The following AKAP12 variants were observed in gnomAD, a reference collection of about 807,000 sequenced individuals.
AKAP12 encodes the protein A-kinase anchor protein 12.
Under a neutral mutation model 79.9 loss-of-function variants are expected in AKAP12, and 32 were observed. The observed-to-expected ratio is 0.40, with a 90% CI of 0.30 to 0.54. The LOEUF (loss-of-function observed/expected upper bound fraction) is 0.54, where lower values mean the gene tolerates loss of function less well. AKAP12 is among the 20% of genes least tolerant of loss of function. The pLI is 0.48. For missense variants in AKAP12, 2,074 were observed against 2,177.0 expected (o/e 0.95, Z 0.94); for synonymous variants, 808 against 857.0 (o/e 0.94, Z 1.00).
intron 2 of AKAP12, among the ~76,000 whole-genome samples, chr6:151,279,529 G>A (rs935149096): frequency 1.4e-4 from 22 of 152,022 alleles, no homozygotes; most frequent in African/African-American, 4.6e-4. Context: ...AAGAAGAAAC[G>A]AGAAATATAC....
intron 2 of AKAP12, among the ~76,000 whole-genome samples, chr6:151,289,860 A>G (rs1776577275): frequency 6.6e-6 from 1 of 152,212 alleles, no homozygotes; most frequent in Admixed American, 6.5e-5. Context: ...CTCTTAGCTC[A>G]TTCAAAGCAA....
At chr6:151,345,932 T>TGTGAGAGAGAGAGAGAGAGA (rs1349850485) in intron 3 of AKAP12, among the ~76,000 whole-genome samples, 13 of 101,372 alleles carry the variant, frequency 1.3e-4, no homozygotes, top group African/African-American at 5.7e-4. Flanking sequence ...TGTGTGTGTG[T>TGTGAGAGAGAGAGAGAGAGA]GAGAGAGAGA....
chr6:151,337,512 G>GAAAAAAAAAA (rs565900855), intron 3 of AKAP12, among the ~76,000 whole-genome samples: 1 of 101,848 alleles, frequency 9.8e-6, no homozygotes, highest in Admixed American at 1.0e-4. Context: ...TTTCCGTCTC[G>GAAAAAAAAAA]AAAAAAAAAA....
chr6:151,294,825 G>A (rs6934424), intron 2 of AKAP12, among the ~76,000 whole-genome samples: 42,862 of 152,124 alleles, frequency 0.28, 7,410 homozygotes, highest in Non-Finnish European at 0.41. Context: ...CTGAAGTGTT[G>A]TGTGTTAAAA....
At chr6:151,297,396 G>A (rs911366984) in intron 2 of AKAP12, among the ~76,000 whole-genome samples, 2 of 151,778 alleles carry the variant, frequency 1.3e-5, no homozygotes, top group Non-Finnish European at 2.9e-5. Flanking sequence ...CCAACATGAT[G>A]AAACCGTCTC....
chr6:151,269,588 A>G (rs773795217), intron 2 of AKAP12, among the ~76,000 whole-genome samples: 2 of 152,226 alleles, frequency 1.3e-5, no homozygotes, highest in Non-Finnish European at 2.9e-5. Context: ...TAGGAAATGA[A>G]TACTCTGGAG....
intron 2 of AKAP12, among the ~76,000 whole-genome samples, chr6:151,297,691 G>A (rs190364643): frequency 6.6e-6 from 1 of 152,178 alleles, no homozygotes; most frequent in Non-Finnish European, 1.5e-5. Flanking sequence ...GTGCAGCCCC[G>A]TGTGAATGTG....
At position 151,357,243 on chromosome 6, in the gene AKAP12, C is replaced by G. The variant is rs1134084; in HGVS notation, c.*1529C>G. The G allele has an allele frequency of 0.027, 4,101 of 154,330 alleles. 76 individuals are homozygous for G. Among genetic ancestry groups the G allele is most frequent in the Non-Finnish European group, 0.04 (2,770 of 69,670 alleles). 9.6% of individuals were successfully genotyped at this position (154,330 alleles called of 1,614,324 possible). A position where few individuals can be genotyped will look rare whatever the true frequency, so the allele number is the denominator to read the frequency against. ...CGCTCTTGTTGCCCAGGCTGGAGTG[C>G]AATGGCACGATCTCAGCTCACCGCA... On this transcript the variant is annotated 3_prime_UTR_variant, in exon 5 of 5. Transcript: ENST00000402676.
intron 3 of AKAP12, among the ~76,000 whole-genome samples, chr6:151,332,630 C>G (rs186324962): frequency 6.6e-6 from 1 of 152,304 alleles, no homozygotes; most frequent in Admixed American, 6.5e-5. Context: ...CAATACAAGA[C>G]TGTATCACAC....
At position 151,351,642 on chromosome 6, in the gene AKAP12, C is replaced by T. The variant is rs757288317; in HGVS notation, c.3251C>T (p.Ser1084Leu). 51 of 1,613,950 alleles carry T rather than the reference C, an allele frequency of 3.2e-5. No individual in the cohort carries two copies. Among genetic ancestry groups the T allele is most frequent in the Non-Finnish European group, 3.9e-5 (46 of 1,180,044 alleles). The stretch of plus-strand genomic sequence containing the variant: ...AGACCAGAAGAGCAGGCTGAAGCGT[C>T]GGGTCTGAAGAAAGAGACGGATGTA... ...AERPEEQAEA[S>L]GLKKETDVVL... is the part of the protein sequence containing the mutation. The change falls in exon 4 of 5, where the codon TCG (serine) becomes TTG (leucine). Residue 1084 changes from serine to leucine, a missense_variant. Transcript: ENST00000402676. This position sits in a 1 kb window ranked among gnomAD's most constrained non-coding sequence, Gnocchi z 4.4.
Position 151,350,599 on chromosome 6 carries a change from T to C in AKAP12, c.2208T>C (p.Asp736=), listed in dbSNP as rs146535188. The C allele has an allele frequency of 1.2e-6, 2 of 1,613,776 alleles. No individual in the cohort carries two copies. Among genetic ancestry groups the C allele is most frequent in the African/African-American group, 2.7e-5 (2 of 74,850 alleles). The change falls in exon 4 of 5, where the codon GAT becomes GAC. Residue 736 remains aspartate, a synonymous_variant. Coordinates refer to ENST00000402676, the MANE Select transcript of AKAP12 (RefSeq NM_005100.4). This position sits in a 1 kb window ranked among gnomAD's most constrained non-coding sequence, Gnocchi z 4.8. The part of the protein sequence containing the change: ...DGILAGSQEH[D]PGQGSSSPEQ... The stretch of plus-strand genomic sequence containing the variant: ...TCCTTGCTGGTTCCCAAGAACATGA[T>C]CCAGGGCAGGGAAGTTCCTCCCCGG...
intron 2 of AKAP12, among the ~76,000 whole-genome samples, chr6:151,294,099 G>A (rs1001601033): frequency 2.2e-4 from 33 of 151,936 alleles, no homozygotes; most frequent in Non-Finnish European, 2.5e-4. Context: ...TCAGCCTCCC[G>A]AGTAGCTGGG....
rs41289377 is a variant in AKAP12 at position 151,352,546 on chromosome 6, G to T, written c.4155G>T (p.Gly1385=). ...LQTVNVPIID[G]AKEVSSLEGS... ...CAGTGAATGTGCCCATCATAGATGG[G>T]GCAAAGGAAGTCAGCAGTTTGGAAG... The change falls in exon 4 of 5, where the codon GGG becomes GGT. Residue 1385 remains glycine (G), a synonymous_variant. Coordinates refer to ENST00000402676, the MANE Select transcript of AKAP12 (RefSeq NM_005100.4). The T allele has an allele frequency of 4.8e-5, 77 of 1,614,070 alleles. No individual in the cohort carries two copies. The Admixed American group carries it at 4.8e-4, about 10-fold the overall frequency.
chr6:151,271,428 C>T (rs556415188), intron 2 of AKAP12, among the ~76,000 whole-genome samples: 1 of 149,174 alleles, frequency 6.7e-6, no homozygotes, highest in South Asian at 2.1e-4. Context: ...CTCATGTGAT[C>T]CTCCCACCTC....
intron 2 of AKAP12, among the ~76,000 whole-genome samples, chr6:151,278,699 G>T (rs146309284): frequency 8.0e-5 from 12 of 150,094 alleles, no homozygotes; most frequent in African/African-American, 2.9e-4. Flanking sequence ...ACAGAGTCTC[G>T]CTCTGTCACC....
intron 2 of AKAP12, among the ~76,000 whole-genome samples, chr6:151,290,569 C>A (rs538786363): frequency 8.9e-4 from 136 of 152,210 alleles, no homozygotes; most frequent in African/African-American, 3.0e-3. Context: ...GCTTCCTCTC[C>A]CATCCCCCTC....
At chr6:151,341,434 C>G (rs920828313) in intron 3 of AKAP12, among the ~76,000 whole-genome samples, 2 of 152,174 alleles carry the variant, frequency 1.3e-5, no homozygotes, top group South Asian at 4.1e-4. Flanking sequence ...TGGTTTTCGG[C>G]CTCAGCAGGC....
chr6:151,351,701 G>A lies in AKAP12; in HGVS notation c.3310G>A (p.Glu1104Lys), dbSNP rs772657739. Residue 1104 changes from glutamate to lysine, a missense_variant, in exon 4 of 5, where the codon GAG becomes AAG. Physicochemically the swap from Glu to Lys is moderately conservative, Grantham distance 56. Coordinates refer to ENST00000402676, the MANE Select transcript of AKAP12 (RefSeq NM_005100.4). The surrounding 1 kb of genome is among the most constrained non-coding windows in gnomAD (Gnocchi z 4.4). ...AGTAGATGCTCAGGAGGCAAAAACTGAGCCTTTTACACAAGGGAAGGTGGT... is the reference window on the plus strand; with the variant it reads ...AGTAGATGCTCAGGAGGCAAAAACTAAGCCTTTTACACAAGGGAAGGTGGT... ...LKVDAQEAKT[E>K]PFTQGKVVGQ... is the part of the protein sequence containing the mutation. The A allele has an allele frequency of 3.7e-6, 6 of 1,614,152 alleles. No individual in the cohort carries two copies. The South Asian group carries it at 5.5e-5, about 15-fold the overall frequency.
intron 2 of AKAP12, among the ~76,000 whole-genome samples, chr6:151,270,007 T>C (rs1310130674): frequency 6.6e-6 from 1 of 152,216 alleles, no homozygotes; most frequent in Non-Finnish European, 1.5e-5. Flanking sequence ...TCATTTATTA[T>C]GGTGTTTGCA....
Sources: gnomAD v4.1 joint callset for allele counts (sites outside exome capture counted in the v4.1 genomes callset) on GRCh38, gnomAD v4.1.1 for gene constraint, Gnocchi (gnomAD v3.1) non-coding constraint, MANE v1.5 for transcripts, NCBI Gene and HGNC (gene_info 2026-07-23, HGNC 2026-07-21) for gene names.